The following NLGN1 variants were observed in gnomAD, a reference collection of about 807,000 sequenced individuals.
NLGN1 encodes the protein neuroligin-1.
A neutral mutation model predicts 65.5 loss-of-function variants in NLGN1; 12 were observed. That is an observed-to-expected ratio of 0.18 (90% CI 0.12 to 0.30). The LOEUF (loss-of-function observed/expected upper bound fraction) is 0.30. Ranked by LOEUF, NLGN1 falls within the 10% of genes least tolerant of loss-of-function variation. The pLI, the probability that NLGN1 is intolerant of heterozygous loss-of-function variation, is 1.00. For missense variants in NLGN1, 750 were observed against 1,007.1 expected, an observed-to-expected ratio of 0.74 and a Z score of 3.46; for synonymous variants, 350 against 359.5, an observed-to-expected ratio of 0.97 and a Z score of 0.30.
At chr3:173,812,848 A>G (rs1023892851) in intron 4 of NLGN1, among the ~76,000 whole-genome samples, 7 of 148,804 alleles carry the variant, frequency 4.7e-5, no homozygotes, top group African/African-American at 1.7e-4. Flanking sequence ...AATCAGTAAC[A>G]CTTGTTTTCA....
rs190978373 is a variant in NLGN1, at chr3:174,219,403, G to A, written c.647-55912G>A. ...TGCTGCATTGAGTTGTTGTTAGACA[G>A]TATTCCTCAAGACATGGTCCTCAGG... On this transcript the variant is annotated intron_variant, in intron 4 of 6. Coordinates refer to ENST00000457714, the Ensembl canonical transcript of NLGN1. Among the ~76,000 whole-genome samples, 34 of 152,176 alleles carry A rather than the reference G, an allele frequency of 2.2e-4. No homozygotes were observed. In the East Asian group the frequency reaches 4.8e-3, roughly 22 times the overall value.
At chr3:173,701,692 A>T (rs1767188516) in intron 3 of NLGN1, among the ~76,000 whole-genome samples, 1 of 152,354 alleles carries the variant, frequency 6.6e-6, no homozygotes, top group Non-Finnish European at 1.5e-5. Context: ...GAATTAGAAC[A>T]GAGTGATTCA....
Position 173,986,715 on chromosome 3 carries a change from C to T in NLGN1, c.646+178883C>T, listed in dbSNP as rs562044270. On this transcript the variant is annotated intron_variant, in intron 4 of 6. Transcript: ENST00000457714. ...CAGCAGCCCTAGCAAACTAATACAGCGTCTAGATGCTGGAATCAAGTCTCT... is the reference window on the plus strand; with the variant it reads ...CAGCAGCCCTAGCAAACTAATACAGTGTCTAGATGCTGGAATCAAGTCTCT... 2.6e-5 allele frequency among the ~76,000 whole-genome samples: 4 copies of T among 152,288 alleles called. No homozygotes were observed. The East Asian group carries it at 5.8e-4, about 22-fold the overall frequency.
chr3:174,148,210 G>A (rs1331512758), intron 4 of NLGN1, among the ~76,000 whole-genome samples: 1 of 152,144 alleles, frequency 6.6e-6, no homozygotes, highest in Non-Finnish European at 1.5e-5. Context: ...AAAGAAAAGA[G>A]GTCCTTAGAA....
At chr3:174,256,735 A>G (rs929688686) in intron 4 of NLGN1, among the ~76,000 whole-genome samples, 3 of 152,016 alleles carry the variant, frequency 2.0e-5, no homozygotes, top group African/African-American at 7.2e-5. Context: ...GAATTTTTAA[A>G]TAATTTTCAT....
At chr3:173,660,748 G>A (rs1760810424) in intron 3 of NLGN1, among the ~76,000 whole-genome samples, 1 of 151,838 alleles carries the variant, frequency 6.6e-6, no homozygotes, top group Non-Finnish European at 1.5e-5. Flanking sequence ...AAAAAAATGA[G>A]CACCAAAATA....
rs747114132 is a variant in NLGN1, at chr3:174,279,259, G to A, written c.1258G>A (p.Asp420Asn). The change falls in exon 6 of 7, where the codon GAT becomes AAT. Residue 420 changes from aspartate to asparagine, a missense_variant. By Grantham distance (23) the Asp-to-Asn change is conservative. Transcript: ENST00000457714. This position sits in a 1 kb window ranked among gnomAD's most constrained non-coding sequence, Gnocchi z 4.7. ...TGACTTTGCTGTTTCAAATTTTGTTGATAATTTATATGGATATCCTGAAGG... is the reference window on the plus strand; with the variant it reads ...TGACTTTGCTGTTTCAAATTTTGTTAATAATTTATATGGATATCCTGAAGG... 3.7e-6 allele frequency: 6 copies of A among 1,613,190 alleles called. No homozygotes were observed. The highest frequency in any genetic ancestry group is 1.1e-5 in the South Asian group (1 of 91,062).
chr3:174,113,180 T>A (rs1262452000), intron 4 of NLGN1, among the ~76,000 whole-genome samples: 2 of 151,980 alleles, frequency 1.3e-5, no homozygotes, highest in Non-Finnish European at 2.9e-5. Context: ...ACATTTTTCT[T>A]ACCTTGAATG....
At chr3:174,110,056 T>G (rs1487496334) in intron 4 of NLGN1, among the ~76,000 whole-genome samples, 1 of 152,014 alleles carries the variant, frequency 6.6e-6, no homozygotes, top group Non-Finnish European at 1.5e-5. Flanking sequence ...TATTTTTTGT[T>G]TGTTGTTTTT....
At chr3:173,421,319 ATCTT>A (rs1714999853) in intron 1 of NLGN1, among the ~76,000 whole-genome samples, 1 of 151,906 alleles carries the variant, frequency 6.6e-6, no homozygotes, top group African/African-American at 2.4e-5. Context: ...TAAGTTGCCC[ATCTT>A]TCCTTCAAAT....
chr3:173,435,470 A>G (rs1258173125), intron 2 of NLGN1, among the ~76,000 whole-genome samples: 2 of 152,188 alleles, frequency 1.3e-5, no homozygotes, highest in Non-Finnish European at 2.9e-5. Context: ...ACACACATAT[A>G]TGAAAATCTT....
chr3:174,042,172 G>A (rs1732471533), intron 4 of NLGN1, among the ~76,000 whole-genome samples: 1 of 152,024 alleles, frequency 6.6e-6, no homozygotes, highest in Admixed American at 6.6e-5. Flanking sequence ...CTACTCTGTG[G>A]CTTGCCTATT....
At chr3:174,154,185 G>A (rs544628218) in intron 4 of NLGN1, among the ~76,000 whole-genome samples, 4 of 152,064 alleles carry the variant, frequency 2.6e-5, no homozygotes, top group African/African-American at 4.8e-5. Context: ...CAAAGTTGAC[G>A]TCAGCAGAAG....
chr3:173,547,862 G>T (rs1157906935), intron 2 of NLGN1, among the ~76,000 whole-genome samples: 3 of 152,086 alleles, frequency 2.0e-5, no homozygotes, highest in East Asian at 1.9e-4. Flanking sequence ...ATTACAGGGG[G>T]GTAGGAACGG....
intron 3 of NLGN1, among the ~76,000 whole-genome samples, chr3:173,743,829 G>A (rs1197224726): frequency 6.6e-6 from 1 of 152,034 alleles, no homozygotes; most frequent in Non-Finnish European, 1.5e-5. Context: ...TTAACTGCCT[G>A]CAGAGTTCAA....
chr3:173,671,458 T>C (rs1352548147), intron 3 of NLGN1, among the ~76,000 whole-genome samples: 1 of 151,952 alleles, frequency 6.6e-6, no homozygotes, highest in Non-Finnish European at 1.5e-5. Context: ...CTCCAGACTG[T>C]CTCAAACAGA....
chr3:173,568,259 T>G (rs922245928), intron 2 of NLGN1, among the ~76,000 whole-genome samples: 3 of 152,012 alleles, frequency 2.0e-5, no homozygotes, highest in African/African-American at 7.3e-5. Context: ...TTTCTTTTTT[T>G]TCTTGACGGA....
intron 4 of NLGN1, among the ~76,000 whole-genome samples, chr3:174,072,693 G>T (rs1351720828): frequency 1.3e-5 from 2 of 152,094 alleles, no homozygotes; most frequent in Non-Finnish European, 2.9e-5. Context: ...CACAGTGAGT[G>T]ACAGAGAGAA....
chr3:174,127,039 A>C (rs866742876), intron 4 of NLGN1, among the ~76,000 whole-genome samples: 6 of 152,126 alleles, frequency 3.9e-5, no homozygotes, highest in Admixed American at 2.0e-4. Flanking sequence ...TTTTCCAAAA[A>C]TGTCATGGGG....
Sources: gnomAD v4.1 joint callset for allele counts (sites outside exome capture counted in the v4.1 genomes callset) on GRCh38, gnomAD v4.1.1 for gene constraint, Gnocchi (gnomAD v3.1) non-coding constraint, MANE v1.5 for transcripts, NCBI Gene and HGNC (gene_info 2026-07-23, HGNC 2026-07-21) for gene names.